Variants in CDH26 observed in about 807,000 individuals in gnomAD.
CDH26 encodes the protein cadherin 26.
CDH26 carries 83 observed loss-of-function variants against 90.3 expected under a neutral mutation model. That is an observed-to-expected ratio of 0.92 (90% confidence interval 0.77 to 1.10). The LOEUF is 1.10. Among genes scored for constraint, CDH26 ranks in the 50% least tolerant of loss-of-function variants. The probability of loss-of-function intolerance (pLI) is 0.00; values close to 1 mark genes in which losing one functional copy is unlikely to be tolerated. For missense variants in CDH26, 1,013 were observed against 1,037.6 expected (o/e 0.98, Z 0.33); for synonymous variants, 397 against 396.3 (o/e 1.00, Z -0.02).
chr20:59,996,032 T>C lies in CDH26; in HGVS notation c.1866T>C (p.Cys622=), dbSNP rs1195143666. 6.2e-7 allele frequency: 1 copy of C among 1,613,526 alleles called. No individual in the cohort carries two copies. The highest frequency in any genetic ancestry group is 2.2e-5 in the East Asian group (1 of 44,876). ...ATGTGGGGGCCCTGTTCCCTGTCTG[T>C]GCAGCATTTGTGGCTCTGGCAGGTC... ...GLHVGALFPV[C]AAFVALAVAL... Residue 622 remains cysteine, a synonymous_variant, in exon 12 of 18, where the codon TGT becomes TGC. Coordinates refer to ENST00000348616, the MANE Select transcript of CDH26 (RefSeq NM_177980.4).
In CDH26 at chr20:60,001,358, C is replaced by G. The variant is rs1390710099; in HGVS notation, c.2113C>G (p.Pro705Ala). Reference protein sequence around the residue: ...TQGVKDLEEVPPSAASQSAQA... With the variant: ...TQGVKDLEEVAPSAASQSAQA... ...TTCCCTCTAGGATCTCGAGGAAGTG[C>G]CTCCATCTGCAGCGAGTCAGTCAGC... is the stretch of plus-strand genomic sequence containing the variant. The change falls in exon 15 of 18, where the codon CCT becomes GCT. Residue 705 changes from proline to alanine, a missense_variant. Coordinates refer to ENST00000348616, the MANE Select transcript of CDH26 (RefSeq NM_177980.4). 11 of 1,614,010 alleles carry G rather than the reference C, an allele frequency of 6.8e-6. No individual in the cohort carries two copies. Among genetic ancestry groups the G allele is most frequent in the Non-Finnish European group, 9.3e-6 (11 of 1,180,016 alleles).
rs535131946 is a variant in CDH26 at position 60,012,509 on chromosome 20, T to C, written c.2296-18T>C. On this transcript the variant is annotated intron_variant, in intron 17 of 17. Transcript: ENST00000348616. ...AAGCACATGGCATTTACCTTCTCTT[T>C]CCCCCACTTTTCCCCAGAAACTCCA... is the stretch of plus-strand genomic sequence containing the variant. 3.2e-5 allele frequency: 52 copies of C among 1,607,532 alleles called. No homozygotes were observed. In the South Asian group the frequency reaches 4.8e-4, roughly 15 times the overall value.
At chr20:60,034,902 G>A (rs1050047373), downstream of CDH26, among the ~76,000 whole-genome samples, 2 of 152,198 alleles carry the variant, frequency 1.3e-5, no homozygotes, top group African/African-American at 4.8e-5. Context: ...GGCCTGACAA[G>A]GACAGGACCA....
chr20:60,011,928 A>C (rs958546190), intron 17 of CDH26, among the ~76,000 whole-genome samples: 26 of 152,114 alleles, frequency 1.7e-4, no homozygotes, highest in Admixed American at 1.3e-4. Context: ...GGACATCACC[A>C]TTGGTTAGGG....
chr20:60,013,487 G>A lies in CDH26; in HGVS notation c.*757G>A, dbSNP rs896811568. The A allele has an allele frequency of 3.9e-5, 6 of 152,048 alleles. No individual in the cohort carries two copies. Among genetic ancestry groups the A allele is most frequent in the Non-Finnish European group, 8.8e-5 (6 of 68,006 alleles). The allele number at this position is 152,048 out of a possible 1,614,324, so 9.4% of individuals were successfully genotyped here. A position where few individuals can be genotyped will look rare whatever the true frequency, so the allele number is the denominator to read the frequency against. ...CACTTACTGCTAGTGTCAGTTTCAG[G>A]GGAAGAAATGGTTTCTTTTAAAAAT... On this transcript the variant is annotated 3_prime_UTR_variant, in exon 18 of 18. Coordinates refer to ENST00000348616, the MANE Select transcript of CDH26 (RefSeq NM_177980.4).
chr20:60,008,211 A>AT (rs1353703600), intron 17 of CDH26, among the ~76,000 whole-genome samples: 1 of 152,156 alleles, frequency 6.6e-6, no homozygotes, highest in African/African-American at 2.4e-5. Context: ...GGCCAGACTT[A>AT]TTTTTTTGGC....
In CDH26 at chr20:59,984,725, A is replaced by G. The variant is rs770075229; in HGVS notation, c.628A>G (p.Thr210Ala). 6.2e-7 allele frequency: 1 copy of G among 1,614,020 alleles called. No homozygotes were observed. Among genetic ancestry groups the G allele is most frequent in the Admixed American group, 1.7e-5 (1 of 59,984 alleles). ...AGTCCTTTACTTCCTCATTTCTCAA[A>G]CACCATTACTGAAAGAAAGTGGTTT... The part of the protein sequence containing the change: ...SQVLYFLISQ[T>A]PLLKESGFRV... Residue 210 changes from threonine to alanine, a missense_variant, in exon 6 of 18, where the codon ACA (threonine) becomes GCA (alanine). By Grantham distance (58) the Thr-to-Ala change is moderately conservative (BLOSUM62 0). Transcript: ENST00000348616.
intron 3 of CDH26, among the ~76,000 whole-genome samples, chr20:59,970,809 A>AAAT (rs2061251783): frequency 6.9e-6 from 1 of 144,024 alleles, no homozygotes; most frequent in Non-Finnish European, 1.5e-5. Context: ...CTCTGTCTCA[A>AAAT]AAATAAATAA....
intron 1 of CDH26, among the ~76,000 whole-genome samples, chr20:59,965,876 T>A (rs938857417): frequency 1.3e-5 from 2 of 152,214 alleles, no homozygotes; most frequent in African/African-American, 4.8e-5. Flanking sequence ...TGCCTGCACA[T>A]GATTTTAGAA....
chr20:60,033,823 A>G lies in CDH26; in HGVS notation c.*147A>G. On this transcript the variant is annotated 3_prime_UTR_variant, in exon 9 of 9. Coordinates refer to the CDH26 transcript ENST00000370991. ...TGTGTGTGATCATGAAGAAGAAATA[A>G]TGTGCAAAGCCCTGGTCATAAATAA... The G allele has an allele frequency of 7.7e-6, 8 of 1,040,682 alleles. No homozygotes were observed. The South Asian group carries it at 7.9e-5, about 10-fold the overall frequency. The allele number at this position is 1,040,682 out of a possible 1,614,324, so 64.5% of individuals were successfully genotyped here.
intron 7 of CDH26, among the ~76,000 whole-genome samples, chr20:60,029,699 T>C (rs1476741171): frequency 2.0e-5 from 3 of 151,996 alleles, no homozygotes; most frequent in African/African-American, 7.2e-5. Flanking sequence ...TGTGTTCTCA[T>C]TGCTCGACTC....
At chr20:59,967,959 CTTTCTTTCTT>C (rs2061192344) in intron 1 of CDH26, among the ~76,000 whole-genome samples, 1 of 21,356 alleles carries the variant, frequency 4.7e-5, no homozygotes, top group African/African-American at 1.4e-4. Flanking sequence ...TTCTTTCTAT[CTTTCTTTCTT>C]TCTTTCTTTC....
downstream of CDH26, among the ~76,000 whole-genome samples, chr20:60,018,513 C>T (rs6128743): frequency 6.6e-6 from 1 of 151,854 alleles, no homozygotes; most frequent in African/African-American, 2.4e-5. Context: ...ATGTGAGTTT[C>T]TTGAAGGCAG....
chr20:59,984,632 T>C lies in CDH26; in HGVS notation c.542-7T>C. The C allele has an allele frequency of 6.2e-7, 1 of 1,602,868 alleles. No homozygotes were observed. The highest frequency in any genetic ancestry group is 2.2e-5 in the East Asian group (1 of 44,788). On this transcript the variant is annotated splice_polypyrimidine_tract_variant and splice_region_variant and intron_variant, in intron 5 of 17. Transcript: ENST00000348616. ...TGATAGTAACAATTTTTAAAAATTCTTTCTAGGGCAACCTATTTTTCAGAT... is the reference window on the plus strand; with the variant it reads ...TGATAGTAACAATTTTTAAAAATTCCTTCTAGGGCAACCTATTTTTCAGAT...
rs116183810 is a variant in CDH26, at chr20:59,986,177, G to A, written c.837+1048G>A. 654 of 152,350 alleles carry A rather than the reference G, an allele frequency of 4.3e-3. 4 individuals carry two copies. The highest frequency in any genetic ancestry group is 0.015 in the African/African-American group (628 of 41,578). 9.4% of individuals were successfully genotyped at this position (152,350 alleles called of 1,614,324 possible). On this transcript the variant is annotated intron_variant, in intron 7 of 17. Transcript: ENST00000348616. ...GTGTTCAGGATTCTAGAGGGAAGGT[G>A]AGCAGGTAGGCTTTGGCCTCGCCTT...
chr20:59,967,812 CATTTCTTT>C (rs1319492104), intron 1 of CDH26, among the ~76,000 whole-genome samples: 3 of 86,852 alleles, frequency 3.5e-5, no homozygotes, highest in Admixed American at 1.2e-4. Flanking sequence ...CTCCCTCCCT[CATTTCTTT>C]CTTTCTTTCT....
intron 17 of CDH26, 95 bp downstream of exon 17, chr20:60,006,882 C>A (rs6071081): frequency 0.02 from 17,565 of 879,366 alleles, 240 homozygotes; most frequent in Middle Eastern, 0.028. Flanking sequence ...TCCTAAATCA[C>A]TGCATTAGTC....
chr20:59,997,159 T>C (rs2061608501), intron 13 of CDH26, among the ~76,000 whole-genome samples: 1 of 152,234 alleles, frequency 6.6e-6, no homozygotes, highest in African/African-American at 2.4e-5. Flanking sequence ...AAACTGTGCT[T>C]AGGGAAATAG....
intron 3 of CDH26, among the ~76,000 whole-genome samples, chr20:59,970,891 CT>C (rs1380356550): frequency 5.3e-5 from 8 of 151,870 alleles, no homozygotes; most frequent in Non-Finnish European, 8.8e-5. Flanking sequence ...CTTCTAAAGA[CT>C]TTTAAAAATG....
Sources: gnomAD v4.1 joint callset for allele counts (sites outside exome capture counted in the v4.1 genomes callset) on GRCh38, gnomAD v4.1.1 for gene constraint, MANE v1.5 for transcripts, NCBI Gene and HGNC (gene_info 2026-07-23, HGNC 2026-07-21) for gene names.